The following NCKAP5L variants were observed in gnomAD, a reference collection of about 807,000 sequenced individuals.
The protein encoded by NCKAP5L is nck-associated protein 5-like.
In NCKAP5L, 54 loss-of-function variants were observed where a neutral mutation model predicts 103.2. The observed-to-expected ratio is 0.52, with a 90% CI of 0.42 to 0.66. The LOEUF is 0.66. NCKAP5L is among the 30% of genes least tolerant of loss of function. The pLI, the probability that NCKAP5L is intolerant of heterozygous loss-of-function variation, is 0.00. For synonymous variants in NCKAP5L, 762 were observed against 748.6 expected (o/e 1.02, Z -0.29); for missense variants, 1,733 against 1,750.6 (o/e 0.99, Z 0.18).
chr12:49,802,904 A>C (rs753283658), intron 5 of NCKAP5L, 54 bp downstream of exon 5: 17 of 1,565,520 alleles, frequency 1.1e-5, no homozygotes, highest in Non-Finnish European at 1.3e-5. Context: ...GTCTCCAGGA[A>C]GGGTCTCATC....
Position 49,815,576 on chromosome 12 carries a change from G to A in NCKAP5L, c.-98-9535C>T, listed in dbSNP as rs552174151. 9.9e-5 allele frequency among the ~76,000 whole-genome samples: 15 copies of A among 152,280 alleles called. 1 individual carries two copies. In the Middle Eastern group the frequency reaches 0.024, roughly 242 times the overall value. ...GTTGCCCAGGCTGGAGTGCAATGGC[G>A]TGATCTCGGCTCAAGCGATTCTCAT... On this transcript the variant is annotated intron_variant, in intron 1 of 12. Coordinates refer to ENST00000335999, the MANE Select transcript of NCKAP5L (RefSeq NM_001037806.4).
At chr12:49,800,364 C>A (rs1455467498) in intron 6 of NCKAP5L, among the ~76,000 whole-genome samples, 1 of 152,244 alleles carries the variant, frequency 6.6e-6, no homozygotes, top group Non-Finnish European at 1.5e-5. Context: ...GGGTCCTGGG[C>A]TCCTGTTGGC....
chr12:49,811,003 G>A (rs1946234086), intron 1 of NCKAP5L, among the ~76,000 whole-genome samples: 4 of 152,078 alleles, frequency 2.6e-5, no homozygotes. Context: ...CAACATGGAA[G>A]CTATCTATTA....
At position 49,796,341 on chromosome 12, in the gene NCKAP5L, C is replaced by T. The variant is rs754110679; in HGVS notation, c.1519G>A (p.Gly507Ser). Reference protein sequence around the residue: ...PSPLLARRGLGGGELSPEGAQ... With the variant: ...PSPLLARRGLSGGELSPEGAQ... ...CCCTCTGGGGACAGCTCTCCTCCAC[C>T]CAGACCCCTTCGGGCCAACAGTGGG... Residue 507 changes from glycine to serine, a missense_variant, in exon 8 of 13, where the codon GGT becomes AGT. Coordinates refer to ENST00000335999, the MANE Select transcript of NCKAP5L (RefSeq NM_001037806.4). The T allele has an allele frequency of 4.5e-6, 7 of 1,561,686 alleles. No homozygotes were observed. The African/African-American group carries it at 9.5e-5, about 21-fold the overall frequency.
rs1292883875 is a variant in NCKAP5L, at chr12:49,793,787, G to A, written c.3205C>T (p.Pro1069Ser). The A allele has an allele frequency of 1.9e-6, 3 of 1,605,404 alleles. No homozygotes were observed. The highest frequency in any genetic ancestry group is 2.2e-5 in the East Asian group (1 of 44,626). The change falls in exon 9 of 13, where the codon CCC becomes TCC. Residue 1069 changes from proline to serine, a missense_variant. Physicochemically the swap from Pro to Ser is moderately conservative, Grantham distance 74. Transcript: ENST00000335999. The stretch of plus-strand genomic sequence containing the variant: ...AGAGGGCCCACCAGGCCATTCCGGG[G>A]CCCACAGGCTGGCCAGGGGCTCTTG... The part of the protein sequence containing the change: ...DPKSPWPACG[P>S]RNGLVGPLQG...
intron 5 of NCKAP5L, chr12:49,802,580 G>A (rs1020464436): frequency 1.9e-5 from 4 of 206,302 alleles, no homozygotes; most frequent in Non-Finnish European, 2.9e-5. Context: ...TCAAAAAAGG[G>A]CCTATATAAG....
intron 5 of NCKAP5L, 62 bp from the exon 6 acceptor site, chr12:49,802,029 G>A: frequency 6.3e-7 from 1 of 1,595,248 alleles, no homozygotes; most frequent in Non-Finnish European, 8.5e-7. Context: ...GTGTCACAGT[G>A]CTCTTCATCA....
intron 7 of NCKAP5L, 136 bp downstream of exon 7, chr12:49,798,214 G>A: frequency 1.3e-6 from 1 of 791,802 alleles, no homozygotes; most frequent in South Asian, 1.5e-5. Flanking sequence ...CTAGGATTGG[G>A]GATCTGCTTT....
chr12:49,793,386 G>T lies in NCKAP5L; in HGVS notation c.3306C>A (p.Ser1102Arg). 6.2e-7 allele frequency: 1 copy of T among 1,608,414 alleles called. No individual in the cohort carries two copies. Residue 1102 changes from serine to arginine, a missense_variant, in exon 10 of 13, where the codon AGC (serine) becomes AGA (arginine). Ser to Arg is a moderately radical substitution (Grantham distance 110). Coordinates refer to ENST00000335999, the MANE Select transcript of NCKAP5L (RefSeq NM_001037806.4). ...GTGAGGTGGGCACTGGCTCGGCCAG[G>T]CTGTCCTCCGAGGGCATCTCTTCCC... ...GRREEMPSED[S>R]LAEPVPTSHF...
In NCKAP5L at chr12:49,794,928, G is replaced by C; in HGVS notation, c.2932C>G (p.Leu978Val). 6 of 1,561,516 alleles carry C rather than the reference G, an allele frequency of 3.8e-6. No homozygotes were observed. The highest frequency in any genetic ancestry group is 5.2e-6 in the Non-Finnish European group (6 of 1,154,482). The change falls in exon 8 of 13, where the codon CTG becomes GTG. Residue 978 changes from leucine to valine, a missense_variant. Physicochemically the swap from Leu to Val is conservative, Grantham distance 32. Coordinates refer to ENST00000335999, the MANE Select transcript of NCKAP5L (RefSeq NM_001037806.4). ...ISKLMAKAED[L>V]RRALEEEKAY... Reference sequence around the variant, plus strand: ...TTCTCCTCTTCCAGTGCCCGACGCAGGTCTTCCGCCTTGGCCATCAGCTTG... The same window carrying C: ...TTCTCCTCTTCCAGTGCCCGACGCACGTCTTCCGCCTTGGCCATCAGCTTG...
chr12:49,812,532 C>T (rs1486671773), intron 1 of NCKAP5L, among the ~76,000 whole-genome samples: 7 of 152,082 alleles, frequency 4.6e-5, no homozygotes, highest in East Asian at 1.9e-4. Flanking sequence ...TACAGGCGCC[C>T]GCCACCACGC....
chr12:49,814,351 G>T (rs920242648), intron 1 of NCKAP5L, among the ~76,000 whole-genome samples: 5 of 151,208 alleles, frequency 3.3e-5, no homozygotes, highest in African/African-American at 1.2e-4. Flanking sequence ...GGGTGTGGTG[G>T]TGTGCGCCTG....
intron 3 of NCKAP5L, among the ~76,000 whole-genome samples, chr12:49,803,484 C>T (rs576482547): frequency 6.6e-6 from 1 of 152,192 alleles, no homozygotes; most frequent in East Asian, 1.9e-4. Flanking sequence ...GGGAGACGGG[C>T]AGAGGAGGCT....
chr12:49,815,728 G>A (rs751766360), intron 1 of NCKAP5L, among the ~76,000 whole-genome samples: 1 of 152,082 alleles, frequency 6.6e-6, no homozygotes, highest in Non-Finnish European at 1.5e-5. Context: ...GACCTCAAGA[G>A]CTCCACCCAC....
rs1202020613 is a variant in NCKAP5L, at chr12:49,824,421, C to A, written c.-99+3901G>T. On this transcript the variant is annotated intron_variant, in intron 1 of 12. Transcript: ENST00000335999. The stretch of plus-strand genomic sequence containing the variant: ...GAAGACTGCTTCTTGGGGACCCCAG[C>A]CCATCTCTGAAGCCCCCTTGCATCC... Among the ~76,000 whole-genome samples, 11 of 152,346 alleles carry A rather than the reference C, an allele frequency of 7.2e-5. No homozygotes were observed. The East Asian group carries it at 2.1e-3, about 29-fold the overall frequency.
intron 6 of NCKAP5L, among the ~76,000 whole-genome samples, chr12:49,801,387 C>T (rs1946116178): frequency 6.6e-6 from 1 of 152,136 alleles, no homozygotes; most frequent in Admixed American, 6.5e-5. Flanking sequence ...CCTGCTTCTC[C>T]TGGGGAAGGG....
chr12:49,805,836 G>C (rs1286991634), intron 2 of NCKAP5L, 144 bp downstream of exon 2: 3 of 152,236 alleles, frequency 2.0e-5, no homozygotes, highest in African/African-American at 7.2e-5. Flanking sequence ...AAATAAAAAG[G>C]CTTGGAGCTT....
chr12:49,796,660 CT>C lies in NCKAP5L; in HGVS notation c.1199del (p.Gln400ArgfsTer31), dbSNP rs1946051332. On this transcript the variant is annotated frameshift_variant, in exon 8 of 13. Transcript: ENST00000335999. LOFTEE classifies it high-confidence loss of function. ...RPGFGATSEGQGPLPFLSMFM... is the reference protein window; with the variant it reads ...RPGFGATSEGXGPLPFLSMFM... ...ACATGCTAAGGAAGGGGAGGGGCCC[CT>C]GGCCCTCTGAGGTAGCACCGAAGCC... 1 of 1,582,166 alleles carries C rather than the reference CT, an allele frequency of 6.3e-7. No individual in the cohort carries two copies.
At chr12:49,827,761 G>C (rs1946435210) in intron 1 of NCKAP5L, among the ~76,000 whole-genome samples, 1 of 152,208 alleles carries the variant, frequency 6.6e-6, no homozygotes, top group Non-Finnish European at 1.5e-5. Flanking sequence ...TGAAGGGGCT[G>C]TTCTCTAGGA....
Sources: gnomAD v4.1 joint callset for allele counts (sites outside exome capture counted in the v4.1 genomes callset) on GRCh38, gnomAD v4.1.1 for gene constraint, MANE v1.5 for transcripts, NCBI Gene and HGNC (gene_info 2026-07-23, HGNC 2026-07-21) for gene names.